Variants in ABCC9 observed in about 807,000 individuals in gnomAD.
The protein encoded by ABCC9 is ATP binding cassette subfamily C member 9.
A neutral mutation model predicts 188.3 loss-of-function variants in ABCC9; 95 were observed. That is an observed-to-expected ratio of 0.50 (90% confidence interval 0.43 to 0.60). ABCC9 has a LOEUF of 0.60. Ranked by LOEUF, ABCC9 falls within the 20% of genes least tolerant of loss-of-function variation. The pLI, the probability that ABCC9 is intolerant of heterozygous loss-of-function variation, is 0.00. For synonymous variants in ABCC9, 659 were observed against 652.7 expected (o/e 1.01, Z -0.15); for missense variants, 1,102 against 1,876.3 (o/e 0.59, Z 7.62).
chr12:21,860,881 A>T, intron 21 of ABCC9, 90 bp downstream of exon 21: 1 of 1,105,636 alleles, frequency 9.0e-7, no homozygotes. Flanking sequence ...TAAGCTCTCA[A>T]ATTTCATGAT....
At chr12:21,811,262 C>G (rs1942218550) in intron 36 of ABCC9, among the ~76,000 whole-genome samples, 1 of 152,134 alleles carries the variant, frequency 6.6e-6, no homozygotes, top group African/African-American at 2.4e-5. Context: ...TTTCCTGAGG[C>G]CTCCCCAGCC....
intron 22 of ABCC9, among the ~76,000 whole-genome samples, chr12:21,853,152 A>G (rs1945052477): frequency 6.6e-6 from 1 of 152,064 alleles, no homozygotes; most frequent in Non-Finnish European, 1.5e-5. Context: ...CTGTCCTACT[A>G]AAAACACAAA....
intron 16 of ABCC9, among the ~76,000 whole-genome samples, chr12:21,878,478 TA>T (rs1418018331): frequency 6.6e-6 from 1 of 152,092 alleles, no homozygotes; most frequent in African/African-American, 2.4e-5. Context: ...TGAGGTTGTG[TA>T]AATGGAGTGA....
chr12:21,835,014 T>C (rs538704210), intron 30 of ABCC9, among the ~76,000 whole-genome samples: 51 of 152,194 alleles, frequency 3.4e-4, no homozygotes, highest in African/African-American at 1.2e-3. Context: ...CAGGCTGGCC[T>C]ATGTTGGGGT....
rs1943385260 is a variant in ABCC9 at position 21,826,465 on chromosome 12, T to A, written c.3669+2493A>T. Among the ~76,000 whole-genome samples, 2 of 152,204 alleles carry A rather than the reference T, an allele frequency of 1.3e-5. 1 individual carries two copies. The highest frequency in any genetic ancestry group is 4.1e-4 in the South Asian group (2 of 4,830). ...CACAGTAGTAATGAGGTCATTTATA[T>A]GTGCACAATTGAGAGAAAAGGTTAT... is the stretch of plus-strand genomic sequence containing the variant. On this transcript the variant is annotated intron_variant, in intron 31 of 39. Coordinates refer to ENST00000261200, the MANE Select transcript of ABCC9 (RefSeq NM_020297.4).
chr12:21,852,716 CAATT>C (rs898038398), intron 22 of ABCC9, among the ~76,000 whole-genome samples: 1 of 151,508 alleles, frequency 6.6e-6, no homozygotes, highest in African/African-American at 2.4e-5. Context: ...CCATGACACA[CAATT>C]TATATAAAAA....
Position 21,864,392 on chromosome 12 carries a change from G to A in ABCC9, c.2237+47C>T, listed in dbSNP as rs533527347. On this transcript the variant is annotated intron_variant, in intron 19 of 39. Coordinates refer to ENST00000261200, the MANE Select transcript of ABCC9 (RefSeq NM_020297.4). Reference sequence around the variant, plus strand: ...TGAGATTAAAGAGATTAAAGTCTGAGGAAGGAAGTTATTCTTATTAAACTC... The same window carrying A: ...TGAGATTAAAGAGATTAAAGTCTGAAGAAGGAAGTTATTCTTATTAAACTC... 31 of 1,306,830 alleles carry A rather than the reference G, an allele frequency of 2.4e-5. 1 individual carries two copies. The East Asian group carries it at 6.7e-4, about 28-fold the overall frequency. The allele number at this position is 1,306,830 out of a possible 1,614,324, so 81.0% of individuals were successfully genotyped here. A position where few individuals can be genotyped will look rare whatever the true frequency, so the allele number is the denominator to read the frequency against.
rs111943197 is a variant in ABCC9 at position 21,852,423 on chromosome 12, T to C, written c.2588A>G (p.Lys863Arg). ...EGILKFLQDD[K>R]RTLVLVTHKL... ...GTGAGTCACAAGAACGAGTGTCCTT[T>C]TGTCATCTTGCAGGAATTTCAAAAT... Residue 863 changes from lysine to arginine, a missense_variant, in exon 23 of 40, where the codon AAA becomes AGA. Transcript: ENST00000261200. The C allele has an allele frequency of 6.2e-7, 1 of 1,613,922 alleles. No homozygotes were observed. The highest frequency in any genetic ancestry group is 8.5e-7 in the Non-Finnish European group (1 of 1,179,974).
At chr12:21,818,371 T>G in intron 31 of ABCC9, 120 bp from the exon 32 acceptor site, 2 of 794,814 alleles carry the variant, frequency 2.5e-6, no homozygotes, top group Non-Finnish European at 4.4e-6. Flanking sequence ...TCCTGTTAAG[T>G]TTCAGAGGAA....
chr12:21,829,012 G>GT lies in ABCC9; in HGVS notation c.3614dup (p.Asn1205LysfsTer36). On this transcript the variant is annotated frameshift_variant, in exon 31 of 40. Transcript: ENST00000261200. LOFTEE classifies it high-confidence loss of function. The stretch of plus-strand genomic sequence containing the variant: ...CTGAGAGAAATAAGTAGGCAATGTT[G>GT]TTTGTATCCGTCAGTTCCAGCATAC... 1.2e-6 allele frequency: 2 copies of GT among 1,613,912 alleles called. No homozygotes were observed. Among genetic ancestry groups the GT allele is most frequent in the Non-Finnish European group, 1.7e-6 (2 of 1,179,940 alleles).
chr12:21,887,989 A>C, intron 14 of ABCC9, 55 bp from the exon 15 acceptor site: 4 of 1,303,844 alleles, frequency 3.1e-6, no homozygotes, highest in Non-Finnish European at 4.5e-6. Context: ...ACCACCAACA[A>C]AGTGCTACCT....
intron 15 of ABCC9, among the ~76,000 whole-genome samples, chr12:21,884,853 C>T (rs1249319452): frequency 6.6e-6 from 1 of 152,116 alleles, no homozygotes; most frequent in African/African-American, 2.4e-5. Flanking sequence ...CTCACAAATA[C>T]TCCTGGAAGT....
intron 30 of ABCC9, chr12:21,831,298 C>T (rs1185571058): frequency 6.6e-6 from 1 of 152,060 alleles, no homozygotes; most frequent in Non-Finnish European, 1.5e-5. Flanking sequence ...GTGATCCATC[C>T]ACCTTGGCTC....
chr12:21,935,938 G>A (rs1517273), intron 3 of ABCC9, among the ~76,000 whole-genome samples: 152,028 of 152,260 alleles, frequency 1, 75,898 homozygotes, highest in Middle Eastern at 1. Context: ...AAACTGTATT[G>A]TTAACTTCTT....
chr12:21,922,798 A>G (rs1948882268), intron 5 of ABCC9, among the ~76,000 whole-genome samples: 2 of 122,386 alleles, frequency 1.6e-5, no homozygotes, highest in Admixed American at 9.3e-5. Context: ...TCTAAACTGT[A>G]TATAGAAACT....
At chr12:21,818,504 A>AGT (rs1488711680) in intron 31 of ABCC9, among the ~76,000 whole-genome samples, 1 of 143,342 alleles carries the variant, frequency 7.0e-6, no homozygotes, top group African/African-American at 2.6e-5. Context: ...ATATCTATAT[A>AGT]TAACTATATA....
chr12:21,838,653 G>T (rs1379595441), intron 29 of ABCC9, among the ~76,000 whole-genome samples: 3 of 152,158 alleles, frequency 2.0e-5, no homozygotes, highest in Non-Finnish European at 2.9e-5. Context: ...GTAGGAAGAG[G>T]CTATGTAAAG....
intron 4 of ABCC9, among the ~76,000 whole-genome samples, chr12:21,933,334 T>G (rs1456549670): frequency 1.3e-5 from 2 of 151,982 alleles, no homozygotes; most frequent in African/African-American, 2.4e-5. Flanking sequence ...TGACTCAAGT[T>G]TACCTGCATA....
intron 12 of ABCC9, among the ~76,000 whole-genome samples, chr12:21,902,044 G>T (rs1328918337): frequency 2.0e-5 from 3 of 152,128 alleles, no homozygotes; most frequent in Non-Finnish European, 1.5e-5. Flanking sequence ...CACATAGTTG[G>T]AAGTAAAGCA....
Sources: allele counts gnomAD v4.1 joint callset (sites outside exome capture counted in the v4.1 genomes callset), GRCh38; gene constraint gnomAD v4.1.1; transcripts MANE v1.5; gene names NCBI Gene and HGNC (gene_info 2026-07-23, HGNC 2026-07-21).